The following CBFA2T3 variants were observed in gnomAD, a reference collection of about 807,000 sequenced individuals.
CBFA2T3 encodes the protein CBFA2/RUNX1 partner transcriptional co-repressor 3.
CBFA2T3 carries 31 observed loss-of-function variants against 58.6 expected under a neutral mutation model. The ratio of observed to expected loss-of-function variants is 0.53; its 90% CI spans 0.40 to 0.71. The LOEUF is 0.71. Ranked by LOEUF, CBFA2T3 falls within the 30% of genes least tolerant of loss-of-function variation. CBFA2T3 has a pLI of 0.00. For synonymous variants in CBFA2T3, 531 were observed against 421.9 expected (o/e 1.26, Z -3.17); for missense variants, 1,076 against 963.1 (o/e 1.12, Z -1.55).
chr16:88,883,826 T>C (rs1969240199), intron 7 of CBFA2T3: 1 of 152,288 alleles, frequency 6.6e-6, no homozygotes, highest in African/African-American at 2.4e-5. Flanking sequence ...TCTTTCGTGG[T>C]AGCTGCGCCC....
chr16:88,948,130 T>A (rs906074787), intron 1 of CBFA2T3, among the ~76,000 whole-genome samples: 2 of 152,210 alleles, frequency 1.3e-5, no homozygotes, highest in Middle Eastern at 3.2e-3. Context: ...ACGGGAGCTG[T>A]GTCCTAACCA....
intron 1 of CBFA2T3, among the ~76,000 whole-genome samples, chr16:88,946,308 A>G (rs1030901930): frequency 6.6e-6 from 1 of 151,826 alleles, no homozygotes; most frequent in Non-Finnish European, 1.5e-5. Flanking sequence ...GCAACACTCC[A>G]TCTCAAAAAG....
At chr16:88,967,146 G>C (rs1359769735) in intron 1 of CBFA2T3, among the ~76,000 whole-genome samples, 2 of 113,646 alleles carry the variant, frequency 1.8e-5, no homozygotes, top group African/African-American at 6.3e-5. Context: ...GCCCCGACAC[G>C]CGGCAGCACC....
At chr16:88,906,022 C>T (rs35777274) in intron 1 of CBFA2T3, among the ~76,000 whole-genome samples, 6,463 of 152,106 alleles carry the variant, frequency 0.042, 195 homozygotes, top group African/African-American at 0.081. Flanking sequence ...CTGTCCATTT[C>T]CTTGCCTCTT....
chr16:88,954,400 C>CCCAAGGCTGCTGACCCCAG lies in CBFA2T3; in HGVS notation c.151+22256_151+22257insCTGGGGTCAGCAGCCTTGG, dbSNP rs1567632852. On this transcript the variant is annotated intron_variant, in intron 1 of 11. Coordinates refer to ENST00000268679, the MANE Select transcript of CBFA2T3 (RefSeq NM_005187.6). ...ACCCCACCCAAGACTCCTGACCCTA[C>CCCAAGGCTGCTGACCCCAG]CCAAGACTCCTGACCCCACCCAAGG... Among the ~76,000 whole-genome samples, 43 of 71,366 alleles carry CCCAAGGCTGCTGACCCCAG rather than the reference C, an allele frequency of 6.0e-4. 3 individuals are homozygous for CCCAAGGCTGCTGACCCCAG. The highest frequency in any genetic ancestry group is 1.1e-4 in the Non-Finnish European group (3 of 28,432). 46.8% of individuals were successfully genotyped at this position (71,366 alleles called of 152,430 possible). A position where few individuals can be genotyped will look rare whatever the true frequency, so the allele number is the denominator to read the frequency against.
rs112457828 is a variant in CBFA2T3, at chr16:88,898,801, T to C, written c.305-649A>G. On this transcript the variant is annotated intron_variant, in intron 2 of 11. Transcript: ENST00000268679. ...ACTTTGGGAGGCTGAGGCGGGAGGA[T>C]TGCTTGAGCCCAGGAGTTCAAGACC... is the stretch of plus-strand genomic sequence containing the variant. Among the ~76,000 whole-genome samples, 47 of 152,174 alleles carry C rather than the reference T, an allele frequency of 3.1e-4. No homozygotes were observed. The East Asian group carries it at 6.0e-3, about 19-fold the overall frequency.
At position 88,916,064 on chromosome 16, in the gene CBFA2T3, A is replaced by C. The variant is rs567107943; in HGVS notation, c.152-14408T>G. ...CGTGTACACATGGGTGTATGTGTGC[A>C]TGTGTATTCATGCATGTGTGTATTC... On this transcript the variant is annotated intron_variant, in intron 1 of 11. Coordinates refer to ENST00000268679, the MANE Select transcript of CBFA2T3 (RefSeq NM_005187.6). Among the ~76,000 whole-genome samples the C allele has an allele frequency of 2.7e-5, 4 of 148,996 alleles. No homozygotes were observed. The East Asian group carries it at 8.0e-4, about 30-fold the overall frequency.
intron 2 of CBFA2T3, among the ~76,000 whole-genome samples, chr16:88,898,990 C>A (rs950487105): frequency 6.6e-6 from 1 of 152,150 alleles, no homozygotes. Flanking sequence ...CAGGATAAAG[C>A]CTTAGCCCTT....
chr16:88,954,089 A>T (rs1972145710), intron 1 of CBFA2T3, among the ~76,000 whole-genome samples: 1 of 152,086 alleles, frequency 6.6e-6, no homozygotes, highest in Non-Finnish European at 1.5e-5. Context: ...AGAACTGCCC[A>T]GGAGCTCCCA....
chr16:88,885,924 G>C lies in CBFA2T3; in HGVS notation c.893+37C>G. ...GGAGCAGGGTGAGCCGCGTGTCCAC[G>C]GCACCCCCAGCCCAGATCCCCGGAG... On this transcript the variant is annotated intron_variant, in intron 6 of 11. Transcript: ENST00000268679. The surrounding 1 kb of genome is among the most constrained non-coding windows in gnomAD (Gnocchi z 5.3). 6.5e-7 allele frequency: 1 copy of C among 1,532,688 alleles called. No individual in the cohort carries two copies. The highest frequency in any genetic ancestry group is 1.2e-5 in the South Asian group (1 of 83,528). 94.9% of individuals were successfully genotyped at this position (1,532,688 alleles called of 1,614,324 possible).
chr16:88,903,325 G>T (rs1200587825), intron 1 of CBFA2T3, among the ~76,000 whole-genome samples: 1 of 152,240 alleles, frequency 6.6e-6, no homozygotes, highest in Non-Finnish European at 1.5e-5. Context: ...AGTGGCGCCT[G>T]GGCTCTAACC....
In CBFA2T3 at chr16:88,876,929, G is replaced by C. The variant is rs1265319839; in HGVS notation, c.*47C>G. The C allele has an allele frequency of 1.5e-6, 2 of 1,335,816 alleles. No individual in the cohort carries two copies. The highest frequency in any genetic ancestry group is 1.9e-6 in the Non-Finnish European group (2 of 1,029,848). 82.7% of individuals were successfully genotyped at this position (1,335,816 alleles called of 1,614,324 possible). ...CAGCATCCGGTGGGCCTGGAGCTGGGTGGGGTTGGCACGGTGCTGTGTCCG... is the reference window on the plus strand; with the variant it reads ...CAGCATCCGGTGGGCCTGGAGCTGGCTGGGGTTGGCACGGTGCTGTGTCCG... On this transcript the variant is annotated 3_prime_UTR_variant, in exon 12 of 12. Transcript: ENST00000268679.
At chr16:88,893,562 G>T (rs909903353) in intron 3 of CBFA2T3, among the ~76,000 whole-genome samples, 4 of 152,194 alleles carry the variant, frequency 2.6e-5, no homozygotes, top group African/African-American at 7.2e-5. Flanking sequence ...GTGGGTTCCT[G>T]CCCCTGGCGG....
Position 88,880,778 on chromosome 16 carries a change from G to C in CBFA2T3, c.1413C>G (p.Arg471=), listed in dbSNP as rs777695667. 3 of 1,584,168 alleles carry C rather than the reference G, an allele frequency of 1.9e-6. No homozygotes were observed. The highest frequency in any genetic ancestry group is 2.6e-6 in the Non-Finnish European group (3 of 1,164,786). The change falls in exon 10 of 12, where the codon CGC becomes CGG. Residue 471 remains arginine (R), a synonymous_variant. Transcript: ENST00000268679. ...CGGTGAGGGTCCTCGGCAGGAACTC[G>C]CGAGGCACGTCTGAAACAGGGGCCG... ...GPEGPQLDVP[R]EFLPRTLTGY...
At chr16:88,899,899 G>A (rs940099856) in intron 2 of CBFA2T3, among the ~76,000 whole-genome samples, 1 of 152,094 alleles carries the variant, frequency 6.6e-6, no homozygotes, top group Non-Finnish European at 1.5e-5. Flanking sequence ...ACCTATGTGG[G>A]CTCGGTGTGG....
chr16:88,895,258 T>A (rs993877506), intron 3 of CBFA2T3, among the ~76,000 whole-genome samples: 1 of 152,158 alleles, frequency 6.6e-6, no homozygotes, highest in Non-Finnish European at 1.5e-5. Context: ...CCTCTCTAAG[T>A]GTCCCTCCAG....
At chr16:88,924,442 T>C (rs1056541554) in intron 1 of CBFA2T3, among the ~76,000 whole-genome samples, 55 of 152,122 alleles carry the variant, frequency 3.6e-4, no homozygotes, top group African/African-American at 1.3e-3. Context: ...AACGAGGCTC[T>C]CGGGGGCGAT....
intron 7 of CBFA2T3, chr16:88,884,834 C>A: frequency 2.1e-6 from 1 of 473,198 alleles, no homozygotes; most frequent in Non-Finnish European, 3.7e-6. Flanking sequence ...CCGCCCACCC[C>A]GGGGGGAGAG....
intron 1 of CBFA2T3, among the ~76,000 whole-genome samples, chr16:88,968,609 G>A (rs779484221): frequency 1.4e-4 from 22 of 152,202 alleles, no homozygotes; most frequent in South Asian, 2.1e-4. Flanking sequence ...ATATGCTGCC[G>A]TGTTGGAGGG....
Sources: allele counts gnomAD v4.1 joint callset (sites outside exome capture counted in the v4.1 genomes callset), GRCh38; gene constraint gnomAD v4.1.1; non-coding constraint Gnocchi (gnomAD v3.1); transcripts MANE v1.5; gene names NCBI Gene and HGNC (gene_info 2026-07-23, HGNC 2026-07-21).